MEI1: variants seen among roughly 807,000 people sequenced by gnomAD.
MEI1 encodes the protein meiosis inhibitor protein 1.
A neutral mutation model predicts 146.2 loss-of-function variants in MEI1; 103 were observed. That is an observed-to-expected ratio of 0.70 (90% CI 0.60 to 0.83). The LOEUF is 0.83. Ranked by LOEUF, MEI1 falls within the 40% of genes least tolerant of loss-of-function variation. The pLI is 0.00. For synonymous variants in MEI1, 652 were observed against 628.2 expected (o/e 1.04, Z -0.57); for missense variants, 1,529 against 1,533.0 (o/e 1.00, Z 0.04).
chr22:41,739,916 A>G (rs1601850943), intron 11 of MEI1, among the ~76,000 whole-genome samples: 1 of 152,114 alleles, frequency 6.6e-6, no homozygotes, highest in South Asian at 2.1e-4. Flanking sequence ...GTTGACCAGC[A>G]GGTTACATGA....
intron 11 of MEI1, among the ~76,000 whole-genome samples, chr22:41,741,942 C>CAAA (rs10544640): frequency 8.6e-6 from 1 of 116,162 alleles, no homozygotes; most frequent in African/African-American, 3.1e-5. Context: ...GACTCCATCT[C>CAAA]AAAAAAAAAA....
chr22:41,793,948 G>A (rs2076280272), intron 27 of MEI1, 38 bp downstream of exon 27: 1 of 1,561,582 alleles, frequency 6.4e-7, no homozygotes, highest in East Asian at 2.3e-5. Flanking sequence ...TCCCATGAGA[G>A]AGATTAGAGG....
At chr22:41,781,416 C>T in intron 23 of MEI1, 22 bp downstream of exon 23, 6 of 1,570,620 alleles carry the variant, frequency 3.8e-6, no homozygotes, top group Non-Finnish European at 5.2e-6. Flanking sequence ...CGGGCTGGGA[C>T]AGTGAAGAGT....
chr22:41,793,757 G>GT (rs2076273086), intron 26 of MEI1, 72 bp from the exon 27 acceptor site: 1 of 1,337,448 alleles, frequency 7.5e-7, no homozygotes, highest in Non-Finnish European at 1.0e-6. Flanking sequence ...AAAACCAAAT[G>GT]TTTTTTCTTG....
rs748348413 is a variant in MEI1, at chr22:41,743,173, C to G, written c.1425C>G (p.Thr475=). ...ACCGATGTGCGGAGTTTTCCCAGACCTTGCTGAGCAGGAGGCCCCTGGTCA... is the reference window on the plus strand; with the variant it reads ...ACCGATGTGCGGAGTTTTCCCAGACGTTGCTGAGCAGGAGGCCCCTGGTCA... ...MLNRCAEFSQ[T]LLSRRPLGHA... is the part of the protein sequence containing the mutation. Residue 475 remains threonine, a synonymous_variant, in exon 12 of 31, where the codon ACC becomes ACG. Coordinates refer to ENST00000401548, the MANE Select transcript of MEI1 (RefSeq NM_152513.4). 11 of 1,612,932 alleles carry G rather than the reference C, an allele frequency of 6.8e-6. No homozygotes were observed. The South Asian group carries it at 9.9e-5, about 14-fold the overall frequency.
In MEI1 at chr22:41,706,606, C is replaced by T. The variant is rs540437173; in HGVS notation, c.349+1052C>T. 3.3e-5 allele frequency among the ~76,000 whole-genome samples: 5 copies of T among 151,864 alleles called. No homozygotes were observed. The East Asian group carries it at 5.8e-4, about 18-fold the overall frequency. On this transcript the variant is annotated intron_variant, in intron 3 of 30. Transcript: ENST00000401548. Reference sequence around the variant, plus strand: ...CAACATGCCTGTAGTCCTAGCTACTCGGGAGGCTGAGGTGGGAGGATCCCT... The same window carrying T: ...CAACATGCCTGTAGTCCTAGCTACTTGGGAGGCTGAGGTGGGAGGATCCCT...
rs1390332741 is a variant in MEI1 at position 41,752,594 on chromosome 22, C to T, written c.1796C>T (p.Ser599Phe). 1.3e-6 allele frequency: 2 copies of T among 1,596,824 alleles called. No homozygotes were observed. The highest frequency in any genetic ancestry group is 1.7e-6 in the Non-Finnish European group (2 of 1,171,636). ...CTTTATTCCCACTTCTCTGAAGCTT[C>T]CTCATCCTTCATACGACTGACCCTG... Reference protein sequence around the residue: ...MKEKFSKKLASSSFIRLTLEL... With the variant: ...MKEKFSKKLAFSSFIRLTLEL... Residue 599 changes from serine (S) to phenylalanine (F), a missense_variant, in exon 16 of 31, where the codon TCC (serine) becomes TTC (phenylalanine). Physicochemically the swap from Ser to Phe is radical, Grantham distance 155. This residue lies in a region of MEI1 where 1,212 missense variants were observed against 1,178.9 expected (regional missense o/e 1.03). Coordinates refer to ENST00000401548, the MANE Select transcript of MEI1 (RefSeq NM_152513.4).
intron 11 of MEI1, among the ~76,000 whole-genome samples, chr22:41,740,021 CT>C (rs1392163770): frequency 6.7e-6 from 1 of 149,190 alleles, no homozygotes. Flanking sequence ...GATTATTTTA[CT>C]TTTTTTTTGG....
At chr22:41,754,073 T>C (rs1601941198) in intron 17 of MEI1, 27 bp downstream of exon 17, 1 of 1,527,902 alleles carries the variant, frequency 6.5e-7, no homozygotes, top group Non-Finnish European at 9.1e-7. Context: ...TGACCACTCA[T>C]GTGGCCTGTG....
chr22:41,757,633 A>G (rs564818128), intron 17 of MEI1, among the ~76,000 whole-genome samples: 1 of 152,242 alleles, frequency 6.6e-6, no homozygotes, highest in African/African-American at 2.4e-5. Context: ...CTGGGATTAC[A>G]GCCTGGCCCA....
In MEI1 at chr22:41,776,173, G is replaced by A; in HGVS notation, c.2616G>A (p.Arg872=). ...VLISLRTFLR[R]NEDIQVGGLI... ...TTAGCCTGAGGACCTTCCTGAGGAG[G>A]AATGAGGATATCCAAGTGGGCGGTC... The change falls in exon 21 of 31, where the codon AGG becomes AGA. Residue 872 remains arginine, a synonymous_variant. Transcript: ENST00000401548. 4 of 1,613,998 alleles carry A rather than the reference G, an allele frequency of 2.5e-6. No individual in the cohort carries two copies. Among genetic ancestry groups the A allele is most frequent in the Non-Finnish European group, 3.4e-6 (4 of 1,179,890 alleles).
chr22:41,727,402 G>A (rs757734548), intron 7 of MEI1, among the ~76,000 whole-genome samples: 30 of 152,270 alleles, frequency 2.0e-4, no homozygotes, highest in Non-Finnish European at 3.4e-4. Flanking sequence ...TGACGAGTAG[G>A]AGTTTGGATA....
intron 30 of MEI1, among the ~76,000 whole-genome samples, chr22:41,796,935 ACT>A (rs779100997): frequency 3.3e-5 from 5 of 151,816 alleles, no homozygotes; most frequent in Non-Finnish European, 5.9e-5. Context: ...ACAAAACATG[ACT>A]CTGTCCCAGA....
chr22:41,773,851 G>A (rs1386380002), intron 20 of MEI1, among the ~76,000 whole-genome samples: 2 of 152,072 alleles, frequency 1.3e-5, no homozygotes, highest in Non-Finnish European at 2.9e-5. Flanking sequence ...CTCCAGCCTG[G>A]GCGACAGAGC....
intron 19 of MEI1, among the ~76,000 whole-genome samples, chr22:41,764,470 C>A (rs2074716357): frequency 6.6e-6 from 1 of 152,124 alleles, no homozygotes; most frequent in Middle Eastern, 3.2e-3. Context: ...TTTCTGTTTC[C>A]ACTCAAATTA....
At chr22:41,701,286 C>G (rs2068708932) in intron 1 of MEI1, among the ~76,000 whole-genome samples, 1 of 151,890 alleles carries the variant, frequency 6.6e-6, no homozygotes, top group African/African-American at 2.4e-5. Context: ...GTTGTGCTAT[C>G]ATGTCATATA....
At chr22:41,777,542 A>T (rs1569307543) in intron 21 of MEI1, among the ~76,000 whole-genome samples, 1 of 152,170 alleles carries the variant, frequency 6.6e-6, no homozygotes, top group Non-Finnish European at 1.5e-5. Flanking sequence ...TAAAGGTGTC[A>T]AGAGGAGATG....
chr22:41,749,440 T>A (rs1466810476), intron 15 of MEI1, among the ~76,000 whole-genome samples: 1 of 152,138 alleles, frequency 6.6e-6, no homozygotes, highest in Non-Finnish European at 1.5e-5. Context: ...CATGCCCGGC[T>A]AATTTTGTAT....
intron 14 of MEI1, among the ~76,000 whole-genome samples, chr22:41,747,736 C>CAAAAAA (rs2073427958): frequency 7.5e-6 from 1 of 133,226 alleles, no homozygotes; most frequent in Non-Finnish European, 1.6e-5. Context: ...CCCACCCCCC[C>CAAAAAA]AAAAAAAACA....
Sources: gnomAD v4.1 joint callset for allele counts (sites outside exome capture counted in the v4.1 genomes callset) on GRCh38, gnomAD v4.1.1 for gene constraint, gnomAD v4.1.1 regional missense constraint, MANE v1.5 for transcripts, NCBI Gene and HGNC (gene_info 2026-07-23, HGNC 2026-07-21) for gene names.